Variants in ZRANB3 observed in about 807,000 individuals in gnomAD.
ZRANB3 encodes the protein DNA annealing helicase and endonuclease ZRANB3.
ZRANB3 carries 125 observed loss-of-function variants against 133.8 expected under a neutral mutation model. That is an observed-to-expected ratio of 0.93 (90% CI 0.81 to 1.08). The LOEUF is 1.08. Among genes scored for constraint, ZRANB3 ranks in the 50% least tolerant of loss-of-function variants. The probability of loss-of-function intolerance (pLI) is 0.00; values close to 1 mark genes in which losing one functional copy is unlikely to be tolerated. For synonymous variants in ZRANB3, 387 were observed against 432.7 expected, an observed-to-expected ratio of 0.89 and a Z score of 1.31; for missense variants, 1,229 against 1,275.5, an observed-to-expected ratio of 0.96 and a Z score of 0.56.
intron 19 of ZRANB3, among the ~76,000 whole-genome samples, 192 bp downstream of exon 19, chr2:135,207,242 G>C (rs1035337295): frequency 6.6e-6 from 1 of 151,762 alleles, no homozygotes; most frequent in African/African-American, 2.4e-5. Context: ...ACAAACAAGT[G>C]AGTCAATGAC....
intron 8 of ZRANB3, among the ~76,000 whole-genome samples, chr2:135,312,007 C>T (rs57441948): frequency 0.19 from 28,880 of 151,768 alleles, 3,686 homozygotes; most frequent in African/African-American, 0.34. Flanking sequence ...GCTACAAAGG[C>T]ACATGGGGGA....
chr2:135,224,079 G>A (rs1694660423), intron 15 of ZRANB3, among the ~76,000 whole-genome samples: 1 of 152,150 alleles, frequency 6.6e-6, no homozygotes, highest in African/African-American at 2.4e-5. Context: ...GGATACATGA[G>A]ATATTTTGAT....
chr2:135,480,527 A>G (rs961489282), intron 2 of ZRANB3, among the ~76,000 whole-genome samples: 6 of 152,170 alleles, frequency 3.9e-5, no homozygotes, highest in Non-Finnish European at 5.9e-5. Context: ...ATCAAGTGAT[A>G]CTTTTAAAGA....
At chr2:135,250,235 T>C (rs1258309315) in intron 12 of ZRANB3, among the ~76,000 whole-genome samples, 2 of 152,110 alleles carry the variant, frequency 1.3e-5, no homozygotes, top group Non-Finnish European at 2.9e-5. Flanking sequence ...AGAGATGATT[T>C]AGGGTATCTG....
chr2:135,495,136 G>A (rs1692606634), intron 2 of ZRANB3, among the ~76,000 whole-genome samples: 2 of 152,152 alleles, frequency 1.3e-5, no homozygotes, highest in Admixed American at 1.3e-4. Flanking sequence ...GGTGAGGTCA[G>A]AGGATCACTT....
chr2:135,229,293 A>G (rs1191881343), intron 13 of ZRANB3, among the ~76,000 whole-genome samples: 2 of 152,144 alleles, frequency 1.3e-5, no homozygotes, highest in Non-Finnish European at 1.5e-5. Context: ...TAAGACAGAG[A>G]GAAGAGCAAG....
chr2:135,316,749 C>T (rs1479447354), intron 6 of ZRANB3, among the ~76,000 whole-genome samples: 2 of 152,000 alleles, frequency 1.3e-5, no homozygotes, highest in South Asian at 2.1e-4. Flanking sequence ...GAGCAGATCA[C>T]GAGGTGAAGA....
At chr2:135,390,854 G>A in intron 2 of ZRANB3, 34 bp from the exon 3 acceptor site, 5 of 1,495,114 alleles carry the variant, frequency 3.3e-6, no homozygotes, top group South Asian at 1.3e-5. Context: ...TTAATTATCA[G>A]AGTGAACCTT....
At chr2:135,476,774 G>A (rs1017082857) in intron 2 of ZRANB3, among the ~76,000 whole-genome samples, 1 of 150,938 alleles carries the variant, frequency 6.6e-6, no homozygotes, top group Non-Finnish European at 1.5e-5. Flanking sequence ...CATGATCATG[G>A]CTCACTACAG....
chr2:135,437,140 A>G (rs964635767), intron 2 of ZRANB3, among the ~76,000 whole-genome samples: 3 of 152,106 alleles, frequency 2.0e-5, no homozygotes, highest in African/African-American at 7.2e-5. Context: ...TTGTACTTTT[A>G]GTAGAGATGG....
rs1272383132 is a variant in ZRANB3, at chr2:135,198,026, G to C, written c.*2316C>G. The C allele has an allele frequency of 6.6e-6, 1 of 152,166 alleles. No homozygotes were observed. Among genetic ancestry groups the C allele is most frequent in the African/African-American group, 2.4e-5 (1 of 41,422 alleles). 9.4% of individuals were successfully genotyped at this position (152,166 alleles called of 1,614,324 possible). A position where few individuals can be genotyped will look rare whatever the true frequency, so the allele number is the denominator to read the frequency against. ...CTTGCAGCTTCTCTGAGTCTTTTCA[G>C]AGCCAGGCCTATCCTTTTACACTCA... is the stretch of plus-strand genomic sequence containing the variant. On this transcript the variant is annotated 3_prime_UTR_variant, in exon 21 of 21. Coordinates refer to ENST00000264159, the MANE Select transcript of ZRANB3 (RefSeq NM_032143.4).
chr2:135,448,916 T>C (rs546366212), intron 2 of ZRANB3, among the ~76,000 whole-genome samples: 48 of 152,358 alleles, frequency 3.2e-4, no homozygotes, highest in Admixed American at 1.6e-3. Context: ...CAAGGTGACA[T>C]TGACCCTCAT....
At chr2:135,401,703 G>A (rs920752594) in intron 2 of ZRANB3, among the ~76,000 whole-genome samples, 13 of 152,148 alleles carry the variant, frequency 8.5e-5, no homozygotes, top group African/African-American at 2.7e-4. Context: ...ATCTGGAACC[G>A]TAATAGCTGC....
chr2:135,329,635 T>G (rs1214592898), intron 6 of ZRANB3, among the ~76,000 whole-genome samples: 2 of 152,228 alleles, frequency 1.3e-5, no homozygotes, highest in African/African-American at 4.8e-5. Context: ...ATTGAATCTA[T>G]AAACTACCTT....
intron 6 of ZRANB3, among the ~76,000 whole-genome samples, chr2:135,343,574 T>C (rs1684793090): frequency 1.3e-5 from 2 of 149,636 alleles, no homozygotes; most frequent in East Asian, 1.9e-4. Context: ...GACCATGTGG[T>C]GTTATTTAAA....
At chr2:135,208,032 T>C (rs558902341) in intron 18 of ZRANB3, among the ~76,000 whole-genome samples, 196 bp from the exon 19 acceptor site, 2 of 152,250 alleles carry the variant, frequency 1.3e-5, no homozygotes, top group Admixed American at 6.5e-5. Context: ...AAAAATTAAT[T>C]GAATATAAAT....
intron 8 of ZRANB3, among the ~76,000 whole-genome samples, chr2:135,282,529 A>C (rs1198342680): frequency 6.6e-6 from 1 of 152,230 alleles, no homozygotes; most frequent in Non-Finnish European, 1.5e-5. Flanking sequence ...CACTAGTTTC[A>C]CTTCAAAAGA....
At chr2:135,467,096 T>G (rs1165721797) in intron 2 of ZRANB3, among the ~76,000 whole-genome samples, 1 of 152,232 alleles carries the variant, frequency 6.6e-6, no homozygotes, top group African/African-American at 2.4e-5. Flanking sequence ...GTAGGAACTA[T>G]GTCTCTCTTG....
chr2:135,425,045 G>T (rs954782728), intron 2 of ZRANB3, among the ~76,000 whole-genome samples: 2 of 152,062 alleles, frequency 1.3e-5, no homozygotes, highest in Non-Finnish European at 2.9e-5. Context: ...ACGGCAGAGG[G>T]AGCAATGCCT....
Sources: allele counts gnomAD v4.1 joint callset (sites outside exome capture counted in the v4.1 genomes callset), GRCh38; gene constraint gnomAD v4.1.1; transcripts MANE v1.5; gene names NCBI Gene and HGNC (gene_info 2026-07-23, HGNC 2026-07-21).